The following C1QTNF9 variants were observed in gnomAD, a reference collection of about 807,000 sequenced individuals.
C1QTNF9 encodes the protein complement C1q and tumor necrosis factor-related protein 9A.
In C1QTNF9, 6 loss-of-function variants were observed where a neutral mutation model predicts 10.1. The ratio of observed to expected loss-of-function variants is 0.59; its 90% CI spans 0.32 to 1.17. C1QTNF9 has a LOEUF of 1.17. C1QTNF9 is among the 50% of genes most tolerant of loss of function. The pLI is 0.04. For synonymous variants in C1QTNF9, 98 were observed against 163.5 expected, an observed-to-expected ratio of 0.60 and a Z score of 3.06; for missense variants, 201 against 418.8, an observed-to-expected ratio of 0.48 and a Z score of 4.54.
chr13:24,313,575 G>A (rs1174150682), intron 1 of C1QTNF9, among the ~76,000 whole-genome samples: 3 of 152,160 alleles, frequency 2.0e-5, no homozygotes, highest in East Asian at 1.9e-4. Flanking sequence ...GGAATGGAGC[G>A]AATTTGTGAC....
At chr13:24,317,210 C>T (rs1878072159) in intron 2 of C1QTNF9, among the ~76,000 whole-genome samples, 2 of 151,886 alleles carry the variant, frequency 1.3e-5, no homozygotes, top group East Asian at 1.9e-4. Context: ...AAAACCTTAC[C>T]ATTAATGAAA....
At chr13:24,311,754 T>C (rs751038458) in intron 1 of C1QTNF9, among the ~76,000 whole-genome samples, 18 of 152,194 alleles carry the variant, frequency 1.2e-4, no homozygotes, top group East Asian at 3.9e-4. Context: ...TTCATATGCT[T>C]ATGTCAAAGA....
chr13:24,315,670 CT>C lies in C1QTNF9; in HGVS notation c.-22-311del, dbSNP rs1593533514. 6 of 473,134 alleles carry C rather than the reference CT, an allele frequency of 1.3e-5. No individual in the cohort carries two copies. In the East Asian group the frequency reaches 1.9e-4, roughly 15 times the overall value. The allele number at this position is 473,134 out of a possible 1,614,324, so 29.3% of individuals were successfully genotyped here. A position where few individuals can be genotyped will look rare whatever the true frequency, so the allele number is the denominator to read the frequency against. ...TCCTGTGAGATAAGTAAGCATTGAT[CT>C]CTGGTTCAGAAAAGTGATTTCTTCA... On this transcript the variant is annotated intron_variant, in intron 1 of 3. Transcript: ENST00000332018.
At chr13:24,314,466 T>C (rs142143155) in intron 1 of C1QTNF9, among the ~76,000 whole-genome samples, 2,835 of 152,064 alleles carry the variant, frequency 0.019, 41 homozygotes, top group Middle Eastern at 0.041. Context: ...GCAGATCACC[T>C]GAGGTCAAGA....
chr13:24,319,249 C>T (rs146459961), intron 3 of C1QTNF9, among the ~76,000 whole-genome samples: 2,822 of 152,282 alleles, frequency 0.019, 93 homozygotes, highest in African/African-American at 0.062. Flanking sequence ...TTTAAACATG[C>T]AAACCATGGC....
chr13:24,321,708 G>C (rs753834016), exon 4 of C1QTNF9: 1 of 1,610,004 alleles, frequency 6.2e-7, no homozygotes, highest in Admixed American at 1.7e-5. Context: ...TCAATGGCTT[G>C]TTTGCTGATG....
At chr13:24,322,315 T>C (rs1304622040) in exon 4 of C1QTNF9, 1 of 152,594 alleles carries the variant, frequency 6.6e-6, no homozygotes, top group Non-Finnish European at 1.5e-5. Context: ...GGTGGTTTGC[T>C]GTATCTATCA....
At chr13:24,310,948 A>G (rs9511187) in intron 1 of C1QTNF9, among the ~76,000 whole-genome samples, 45,206 of 148,320 alleles carry the variant, frequency 0.3, 7,345 homozygotes, top group African/African-American at 0.39. Flanking sequence ...TGTTGAAGAA[A>G]TGTATAAAGT....
exon 2 of C1QTNF9, chr13:24,316,116 G>A: frequency 6.2e-7 from 1 of 1,612,872 alleles, no homozygotes; most frequent in Non-Finnish European, 8.5e-7. Context: ...GGTCACAATG[G>A]TCTGCCTGGA....
Position 24,318,886 on chromosome 13 carries a change from T to C in C1QTNF9, c.229+6T>C, listed in dbSNP as rs1264046145. 6.2e-7 allele frequency: 1 copy of C among 1,614,094 alleles called. No individual in the cohort carries two copies. Among genetic ancestry groups the C allele is most frequent in the African/African-American group, 1.3e-5 (1 of 74,950 alleles). On this transcript the variant is annotated splice_donor_region_variant and intron_variant, in intron 3 of 3. Transcript: ENST00000332018. The stretch of plus-strand genomic sequence containing the variant: ...TGGAGAGAAGGGAGAACGAGGTTAG[T>C]AGTTCCTATTTATGGTGCTCTAATT...
chr13:24,308,635 T>C (rs1326000715), upstream of C1QTNF9, among the ~76,000 whole-genome samples: 1 of 150,566 alleles, frequency 6.6e-6, no homozygotes, highest in Non-Finnish European at 1.5e-5. Context: ...ACCCGTACAC[T>C]CGGCCTCTGC....
intron 2 of C1QTNF9, among the ~76,000 whole-genome samples, chr13:24,316,941 CA>C (rs547754673): frequency 6.6e-6 from 1 of 152,094 alleles, no homozygotes; most frequent in Non-Finnish European, 1.5e-5. Flanking sequence ...AGTGGCATTA[CA>C]AAAAAATATA....
chr13:24,318,247 C>T (rs1878116366), intron 2 of C1QTNF9, among the ~76,000 whole-genome samples: 1 of 152,226 alleles, frequency 6.6e-6, no homozygotes. Context: ...CAGAGCCCCA[C>T]TCACCTGATG....
At chr13:24,321,593 C>G in exon 4 of C1QTNF9, 4 of 1,614,140 alleles carry the variant, frequency 2.5e-6, no homozygotes, top group Non-Finnish European at 3.4e-6. Context: ...ATACTGCACA[C>G]CAAAGATGCT....
chr13:24,320,949 G>T, intron 3 of C1QTNF9, 47 bp from the exon 4 acceptor site: 2 of 1,564,316 alleles, frequency 1.3e-6, no homozygotes, highest in South Asian at 2.4e-5. Context: ...TTGTTCACAA[G>T]GGAATCTTTC....
chr13:24,317,303 T>C (rs571102549), intron 2 of C1QTNF9, among the ~76,000 whole-genome samples: 4 of 151,904 alleles, frequency 2.6e-5, no homozygotes, highest in Non-Finnish European at 5.9e-5. Flanking sequence ...TCTGAATATA[T>C]AAGATTTTCA....
intron 1 of C1QTNF9, among the ~76,000 whole-genome samples, chr13:24,312,915 A>G (rs1235891924): frequency 1.3e-5 from 2 of 149,712 alleles, no homozygotes; most frequent in Non-Finnish European, 3.0e-5. Flanking sequence ...AGATCGCGCC[A>G]CTGCACTCCA....
upstream of C1QTNF9, among the ~76,000 whole-genome samples, chr13:24,308,845 G>GT (rs1035410077): frequency 2.0e-5 from 3 of 152,224 alleles, no homozygotes; most frequent in Non-Finnish European, 4.4e-5. Flanking sequence ...GGAAGCTACT[G>GT]TAAGTTTTAG....
intron 1 of C1QTNF9, 76 bp from the exon 2 acceptor site, chr13:24,315,906 C>G (rs1878002640): frequency 7.9e-6 from 12 of 1,521,288 alleles, no homozygotes; most frequent in Non-Finnish European, 9.9e-6. Flanking sequence ...CCATTTCCCA[C>G]TGCACGGAAC....
Sources: gnomAD v4.1 joint callset for allele counts (sites outside exome capture counted in the v4.1 genomes callset) on GRCh38, gnomAD v4.1.1 for gene constraint, MANE v1.5 for transcripts, NCBI Gene and HGNC (gene_info 2026-07-23, HGNC 2026-07-21) for gene names.